The following SDK1 variants were observed in gnomAD, a reference collection of about 807,000 sequenced individuals.
SDK1 encodes sidekick cell adhesion molecule 1, also known as protein sidekick-1.
Under a neutral mutation model 245.5 loss-of-function variants are expected in SDK1, and 157 were observed. That is an observed-to-expected ratio of 0.64 (90% CI 0.56 to 0.73). The LOEUF (loss-of-function observed/expected upper bound fraction) is 0.73, where lower values mean the gene tolerates loss of function less well. Ranked by LOEUF, SDK1 falls within the 30% of genes least tolerant of loss-of-function variation. The pLI is 0.00. For synonymous variants in SDK1, 1,647 were observed against 1,278.5 expected (o/e 1.29, Z -6.15); for missense variants, 3,583 against 3,002.3 (o/e 1.19, Z -4.52).
intron 4 of SDK1, among the ~76,000 whole-genome samples, chr7:3,768,532 A>G (rs186526393): frequency 2.2e-4 from 33 of 152,356 alleles, no homozygotes; most frequent in African/African-American, 7.2e-4. Context: ...GTGTCTGATA[A>G]TCTGAATGGA....
At chr7:3,517,002 A>G (rs1583985783) in intron 1 of SDK1, among the ~76,000 whole-genome samples, 1 of 152,100 alleles carries the variant, frequency 6.6e-6, no homozygotes, top group East Asian at 1.9e-4. Context: ...TGTGCCTTTT[A>G]TTGTGTTATC....
chr7:4,221,353 C>G lies in SDK1; in HGVS notation c.5816C>G (p.Ala1939Gly). 3 of 1,608,766 alleles carry G rather than the reference C, an allele frequency of 1.9e-6. No homozygotes were observed. Among genetic ancestry groups the G allele is most frequent in the Non-Finnish European group, 2.5e-6 (3 of 1,177,902 alleles). The change falls in exon 40 of 45, where the codon GCC (alanine) becomes GGC (glycine). Residue 1939 changes from alanine (A) to glycine (G), a missense_variant. Transcript: ENST00000404826. ...CCTACCACGGGCTATGTGATCGAGG[C>G]CCGGCCCTCAGGTAGGGTGGCAGGC... ...DTPTTGYVIE[A>G]RPSDEGLWDM...
intron 7 of SDK1, among the ~76,000 whole-genome samples, chr7:3,953,926 C>G (rs1444234310): frequency 1.3e-5 from 2 of 152,124 alleles, no homozygotes; most frequent in African/African-American, 4.8e-5. Flanking sequence ...TGTGTCAATT[C>G]CGAGGGATTT....
At chr7:4,081,528 C>A (rs1781056457) in intron 22 of SDK1, among the ~76,000 whole-genome samples, 1 of 68,762 alleles carries the variant, frequency 1.5e-5, no homozygotes, top group African/African-American at 2.6e-4. Flanking sequence ...CAAGTGATTC[C>A]CCCTGCCTCA....
intron 17 of SDK1, among the ~76,000 whole-genome samples, chr7:4,018,905 G>A (rs1786647363): frequency 6.6e-6 from 1 of 152,194 alleles, no homozygotes; most frequent in Non-Finnish European, 1.5e-5. Flanking sequence ...CAAAAAAAAT[G>A]AATTGATGAG....
At chr7:4,264,774 C>T (rs1045066982) in intron 44 of SDK1, among the ~76,000 whole-genome samples, 3 of 151,292 alleles carry the variant, frequency 2.0e-5, no homozygotes, top group African/African-American at 7.3e-5. Flanking sequence ...CCGTGTAGAC[C>T]TCTCCTGGGG....
At chr7:4,068,070 TC>T (rs1780013177) in intron 20 of SDK1, 134 bp downstream of exon 20, 6 of 647,976 alleles carry the variant, frequency 9.3e-6, no homozygotes, top group African/African-American at 1.8e-5. Context: ...TGAAAAGTCT[TC>T]CTGGCCGTGT....
In SDK1 at chr7:3,884,063, TTTTG is replaced by T. The variant is rs1554275927; in HGVS notation, c.847+62492_847+62495del. Among the ~76,000 whole-genome samples the T allele has an allele frequency of 4.0e-3, 445 of 109,896 alleles. 3 individuals are homozygous for T. The highest frequency in any genetic ancestry group is 0.01 in the African/African-American group (251 of 24,372). The allele number at this position is 109,896 out of a possible 152,430, so 72.1% of individuals were successfully genotyped here. A position where few individuals can be genotyped will look rare whatever the true frequency, so the allele number is the denominator to read the frequency against. On this transcript the variant is annotated intron_variant, in intron 5 of 44. Transcript: ENST00000404826. ...TTGGTTTTTTGTTTGTTTGTTTGTT[TTTTG>T]TTTGTTTGTTTTTTTGTTTTTTTTT...
intron 19 of SDK1, among the ~76,000 whole-genome samples, chr7:4,061,605 C>T (rs957135309): frequency 2.0e-5 from 3 of 152,040 alleles, no homozygotes; most frequent in Non-Finnish European, 4.4e-5. Flanking sequence ...CTAGAAATAC[C>T]ATTTGACCCA....
chr7:3,700,930 C>A (rs998778116), intron 4 of SDK1, among the ~76,000 whole-genome samples: 1 of 151,974 alleles, frequency 6.6e-6, no homozygotes, highest in East Asian at 1.9e-4. Context: ...AGTTTTTCTT[C>A]ACTGATAGGA....
At chr7:3,969,214 G>A (rs1240364656) in intron 10 of SDK1, 43 bp from the exon 11 acceptor site, 10 of 1,481,746 alleles carry the variant, frequency 6.7e-6, no homozygotes, top group African/African-American at 2.8e-5. Context: ...TTTCCTTCAA[G>A]CGTTACGACT....
At chr7:3,425,617 A>G (rs1279987505) in intron 1 of SDK1, among the ~76,000 whole-genome samples, 2 of 152,242 alleles carry the variant, frequency 1.3e-5, no homozygotes, top group South Asian at 2.1e-4. Flanking sequence ...GGAATGAACA[A>G]TACAACTGTA....
intron 4 of SDK1, among the ~76,000 whole-genome samples, chr7:3,780,148 A>C (rs1337892253): frequency 1.3e-5 from 2 of 152,202 alleles, no homozygotes; most frequent in African/African-American, 4.8e-5. Context: ...AATCTGAATT[A>C]GGAGAGTGAG....
At chr7:3,862,846 A>C (rs529093889) in intron 5 of SDK1, among the ~76,000 whole-genome samples, 1 of 152,292 alleles carries the variant, frequency 6.6e-6, no homozygotes, top group Admixed American at 6.5e-5. Flanking sequence ...GGATGGTTTC[A>C]GGGTGTTCAG....
In SDK1 at chr7:3,951,045, C is replaced by T. The variant is rs879129773; in HGVS notation, c.959+11C>T. 15 of 1,575,448 alleles carry T rather than the reference C, an allele frequency of 9.5e-6. No homozygotes were observed. The highest frequency in any genetic ancestry group is 1.7e-4 in the Middle Eastern group (1 of 6,014). Reference sequence around the variant, plus strand: ...TATAGCCAGTGCCAGGTACGAGGCGCGTCTCCTGTGAGACTCCTAGTAAAT... The same window carrying T: ...TATAGCCAGTGCCAGGTACGAGGCGTGTCTCCTGTGAGACTCCTAGTAAAT... On this transcript the variant is annotated intron_variant, in intron 6 of 44. Transcript: ENST00000404826.
At chr7:3,848,283 G>A (rs1320981779) in intron 5 of SDK1, among the ~76,000 whole-genome samples, 2 of 152,206 alleles carry the variant, frequency 1.3e-5, no homozygotes, top group Non-Finnish European at 2.9e-5. Flanking sequence ...AGGAATTCCA[G>A]TTGTTCCTTT....
At chr7:3,382,386 G>A (rs1466886187) in intron 1 of SDK1, among the ~76,000 whole-genome samples, 1 of 152,146 alleles carries the variant, frequency 6.6e-6, no homozygotes, top group African/African-American at 2.4e-5. Flanking sequence ...ACTCCAGAGT[G>A]GTGGTGCCAG....
At chr7:3,884,670 G>A (rs9655348) in intron 5 of SDK1, among the ~76,000 whole-genome samples, 27,817 of 152,176 alleles carry the variant, frequency 0.18, 2,700 homozygotes, top group Middle Eastern at 0.29. Flanking sequence ...GCAAGTGCAC[G>A]GGCCAGTGTG....
At chr7:3,583,068 G>A (rs192757963) in intron 1 of SDK1, among the ~76,000 whole-genome samples, 1 of 152,202 alleles carries the variant, frequency 6.6e-6, no homozygotes, top group Non-Finnish European at 1.5e-5. Flanking sequence ...AGGGATGGGA[G>A]TAAAAGCATT....
Sources: gnomAD v4.1 joint callset for allele counts (sites outside exome capture counted in the v4.1 genomes callset) on GRCh38, gnomAD v4.1.1 for gene constraint, MANE v1.5 for transcripts, NCBI Gene and HGNC (gene_info 2026-07-23, HGNC 2026-07-21) for gene names.